The following KCNN2 variants were observed in gnomAD, a reference collection of about 807,000 sequenced individuals.
The protein encoded by KCNN2 is potassium calcium-activated channel subfamily N member 2.
KCNN2 carries 24 observed loss-of-function variants against 55.5 expected under a neutral mutation model. That is an observed-to-expected ratio of 0.43 (90% CI 0.31 to 0.61). KCNN2 has a LOEUF of 0.61. Among genes scored for constraint, KCNN2 ranks in the 20% least tolerant of loss-of-function variants. The pLI is 0.08. For synonymous variants in KCNN2, 431 were observed against 336.1 expected (o/e 1.28, Z -3.09); for missense variants, 754 against 853.6 (o/e 0.88, Z 1.45).
chr5:114,151,037 A>T (rs969136402), intron 1 of KCNN2, among the ~76,000 whole-genome samples: 1 of 151,964 alleles, frequency 6.6e-6, no homozygotes, highest in Non-Finnish European at 1.5e-5. Context: ...AAACAAACAA[A>T]CAACAACAAA....
At chr5:114,216,653 A>T (rs932820563) in intron 1 of KCNN2, among the ~76,000 whole-genome samples, 7 of 152,258 alleles carry the variant, frequency 4.6e-5, no homozygotes, top group South Asian at 4.1e-4. Context: ...TAGAGAATAT[A>T]TACGAAAACC....
intron 1 of KCNN2, among the ~76,000 whole-genome samples, chr5:114,219,745 G>A (rs1001112895): frequency 6.6e-6 from 1 of 152,032 alleles, no homozygotes; most frequent in South Asian, 2.1e-4. Context: ...TTTTGCCAGG[G>A]ATCTGCCCTT....
chr5:114,461,857 A>G (rs1482780650), intron 3 of KCNN2, among the ~76,000 whole-genome samples: 1 of 152,104 alleles, frequency 6.6e-6, no homozygotes, highest in Non-Finnish European at 1.5e-5. Flanking sequence ...CAGATGGGGA[A>G]TTGAGTTGAA....
chr5:114,161,604 C>T (rs1040621973), intron 1 of KCNN2, among the ~76,000 whole-genome samples: 3 of 152,222 alleles, frequency 2.0e-5, no homozygotes, highest in Non-Finnish European at 4.4e-5. Flanking sequence ...TGTTTTCCAA[C>T]TTGATTGCAT....
At chr5:114,420,784 T>C (rs533113299) in intron 3 of KCNN2, among the ~76,000 whole-genome samples, 1 of 152,358 alleles carries the variant, frequency 6.6e-6, no homozygotes, top group South Asian at 2.1e-4. Flanking sequence ...TTCCATATTA[T>C]GTTCAGATGG....
chr5:114,283,980 A>G (rs1369442275), intron 2 of KCNN2, among the ~76,000 whole-genome samples: 2 of 152,206 alleles, frequency 1.3e-5, no homozygotes, highest in Non-Finnish European at 2.9e-5. Context: ...CCACAAGAAT[A>G]GGCACTTTGG....
intron 6 of KCNN2, 76 bp downstream of exon 6, chr5:114,487,253 C>A: frequency 1.5e-6 from 2 of 1,336,936 alleles, no homozygotes; most frequent in Admixed American, 2.1e-5. Context: ...ATTCTTGTTT[C>A]ATAAGGAAGG....
chr5:114,275,574 GTC>G (rs1303807632), intron 2 of KCNN2, among the ~76,000 whole-genome samples: 3 of 152,138 alleles, frequency 2.0e-5, no homozygotes, highest in Non-Finnish European at 4.4e-5. Context: ...GGGTGTATGT[GTC>G]CAGGAATTTA....
chr5:114,289,588 G>T (rs1755840717), intron 2 of KCNN2, among the ~76,000 whole-genome samples: 1 of 151,894 alleles, frequency 6.6e-6, no homozygotes, highest in Non-Finnish European at 1.5e-5. Context: ...TGTTGGCCAG[G>T]GTGGTCTCAA....
intron 1 of KCNN2, among the ~76,000 whole-genome samples, chr5:114,125,164 G>A (rs1044014672): frequency 1.3e-5 from 2 of 150,590 alleles, no homozygotes; most frequent in African/African-American, 5.0e-5. Flanking sequence ...AAACTTAGGG[G>A]TTTCTTCCCC....
At chr5:114,256,225 G>GTATA (rs1266662196) in intron 2 of KCNN2, among the ~76,000 whole-genome samples, 1 of 151,474 alleles carries the variant, frequency 6.6e-6, no homozygotes, top group Admixed American at 6.6e-5. Flanking sequence ...GGGTGTGTGT[G>GTATA]TATATATATA....
At chr5:114,110,169 T>C (rs1361666431) in intron 1 of KCNN2, among the ~76,000 whole-genome samples, 5 of 152,028 alleles carry the variant, frequency 3.3e-5, no homozygotes, top group Non-Finnish European at 5.9e-5. Context: ...AAAATATCTA[T>C]CTTTTATAAA....
At chr5:114,080,145 T>G (rs1278775787) in intron 1 of KCNN2, among the ~76,000 whole-genome samples, 3 of 152,188 alleles carry the variant, frequency 2.0e-5, no homozygotes, top group Admixed American at 2.0e-4. Context: ...TCCTCCACAC[T>G]CTTCTTCACA....
chr5:114,405,895 A>C (rs1473175946), intron 3 of KCNN2, among the ~76,000 whole-genome samples: 6 of 151,880 alleles, frequency 4.0e-5, no homozygotes, highest in African/African-American at 1.4e-4. Flanking sequence ...TATTTTTAGT[A>C]GAGACGGGGT....
rs182652417 is a variant in KCNN2 at position 114,101,695 on chromosome 5, T to C, written c.-271+45195T>C. On this transcript the variant is annotated intron_variant, in intron 1 of 10. Transcript: ENST00000512097. ...TGAGAACATGTGGTGTTTGGTTTTC[T>C]GTTTCTGTGTTAGTTTGCTGAGAAT... Among the ~76,000 whole-genome samples the C allele has an allele frequency of 1.2e-3, 181 of 152,168 alleles. 2 individuals are homozygous for C. The highest frequency in any genetic ancestry group is 8.8e-5 in the Non-Finnish European group (6 of 68,000).
rs1186580090 is a variant in KCNN2, at chr5:114,190,342, G to T, written c.-270-31138G>T. Among the ~76,000 whole-genome samples, 6 of 152,052 alleles carry T rather than the reference G, an allele frequency of 3.9e-5. No individual in the cohort carries two copies. The East Asian group carries it at 1.2e-3, about 29-fold the overall frequency. On this transcript the variant is annotated intron_variant, in intron 1 of 10. Coordinates refer to the KCNN2 transcript ENST00000512097. ...TTACCAACAGGAATCAAATTAATGA[G>T]TAGATAAATAAGGGGATCTGCATAT...
chr5:114,345,340 G>T (rs1016978592), intron 2 of KCNN2, among the ~76,000 whole-genome samples: 2 of 152,186 alleles, frequency 1.3e-5, no homozygotes, highest in African/African-American at 4.8e-5. Flanking sequence ...GCATGGATGG[G>T]AAAAGGGCAA....
rs919991819 is a variant in KCNN2, at chr5:114,152,738, G to T, written c.-270-68742G>T. ...TCTCTAAGGAGGAAATTTGATCAGA[G>T]ATCTAAAGGATGAGTAGGAGTTACT... On this transcript the variant is annotated intron_variant, in intron 1 of 10. Coordinates refer to the KCNN2 transcript ENST00000512097. Among the ~76,000 whole-genome samples the T allele has an allele frequency of 3.3e-5, 5 of 152,160 alleles. 1 individual carries two copies. Among genetic ancestry groups the T allele is most frequent in the East Asian group, 1.9e-4 (1 of 5,186 alleles).
chr5:114,162,201 T>G (rs904510259), intron 1 of KCNN2, among the ~76,000 whole-genome samples: 1 of 152,166 alleles, frequency 6.6e-6, no homozygotes, highest in African/African-American at 2.4e-5. Flanking sequence ...CCTTTCTGTT[T>G]GTTAGTTTTC....
Sources: allele counts gnomAD v4.1 joint callset (sites outside exome capture counted in the v4.1 genomes callset), GRCh38; gene constraint gnomAD v4.1.1; transcripts MANE v1.5; gene names NCBI Gene and HGNC (gene_info 2026-07-23, HGNC 2026-07-21).